ABLIM1: variants seen among roughly 807,000 people sequenced by gnomAD.
ABLIM1 encodes actin binding LIM protein 1.
Under a neutral mutation model 107.0 loss-of-function variants are expected in ABLIM1, and 40 were observed. The observed-to-expected ratio is 0.37, with a 90% CI of 0.29 to 0.49. The LOEUF (loss-of-function observed/expected upper bound fraction) is 0.49. Among genes scored for constraint, ABLIM1 ranks in the 20% least tolerant of loss-of-function variants. The pLI, the probability that ABLIM1 is intolerant of heterozygous loss-of-function variation, is 0.97. For synonymous variants in ABLIM1, 357 were observed against 357.3 expected (o/e 1.00, Z 0.01); for missense variants, 857 against 1,008.5 (o/e 0.85, Z 2.04).
At chr10:114,469,538 G>C (rs539554109) in intron 10 of ABLIM1, among the ~76,000 whole-genome samples, 7 of 152,294 alleles carry the variant, frequency 4.6e-5, no homozygotes, top group African/African-American at 1.4e-4. Flanking sequence ...CAAACCCACT[G>C]TCACACAGCA....
At chr10:114,760,341 T>C (rs894906196) in intron 1 of ABLIM1, among the ~76,000 whole-genome samples, 4 of 151,814 alleles carry the variant, frequency 2.6e-5, no homozygotes, top group African/African-American at 9.7e-5. Flanking sequence ...CCCTTTTATA[T>C]CTAACATAAA....
chr10:114,607,320 G>A (rs140116327), intron 1 of ABLIM1, among the ~76,000 whole-genome samples: 2,528 of 152,176 alleles, frequency 0.017, 38 homozygotes, highest in Non-Finnish European at 0.024. Flanking sequence ...TCTGCCTCCC[G>A]AAGTGTTGGG....
In ABLIM1 at chr10:114,596,155, T is replaced by G. The variant is rs534353594; in HGVS notation, c.379+5672A>C. Among the ~76,000 whole-genome samples, 21 of 152,280 alleles carry G rather than the reference T, an allele frequency of 1.4e-4. No homozygotes were observed. In the South Asian group the frequency reaches 4.1e-3, roughly 30 times the overall value. ...AACTTTGTCTCTTAAATCTTCTATTTTCTATTGCACCTGCTACTGCCTTAC... is the reference window on the plus strand; with the variant it reads ...AACTTTGTCTCTTAAATCTTCTATTGTCTATTGCACCTGCTACTGCCTTAC... On this transcript the variant is annotated intron_variant, in intron 2 of 22. Transcript: ENST00000533213.
intron 1 of ABLIM1, among the ~76,000 whole-genome samples, chr10:114,742,772 T>C (rs1386790780): frequency 1.3e-5 from 2 of 151,910 alleles, no homozygotes; most frequent in East Asian, 3.9e-4. Context: ...CTACCAAAAA[T>C]ACAAAAATTA....
At chr10:114,586,581 AT>A (rs1386486175) in intron 2 of ABLIM1, among the ~76,000 whole-genome samples, 35 of 152,308 alleles carry the variant, frequency 2.3e-4, no homozygotes, top group African/African-American at 8.2e-4. Flanking sequence ...ATGGGAAAGC[AT>A]TTGTTTTACA....
At chr10:114,718,117 AAG>A (rs1464814324) in intron 1 of ABLIM1, among the ~76,000 whole-genome samples, 2 of 87,830 alleles carry the variant, frequency 2.3e-5, no homozygotes, top group South Asian at 4.3e-4. Flanking sequence ...AAAAGAAAGA[AAG>A]AAAAAGAAAG....
chr10:114,601,139 C>G (rs902751993), intron 2 of ABLIM1, among the ~76,000 whole-genome samples: 6 of 151,568 alleles, frequency 4.0e-5, no homozygotes, highest in Non-Finnish European at 7.4e-5. Flanking sequence ...ATCTTCCAAG[C>G]TTTCCAGGCC....
chr10:114,555,764 T>TA (rs1477016616), intron 4 of ABLIM1, among the ~76,000 whole-genome samples: 1 of 152,128 alleles, frequency 6.6e-6, no homozygotes, highest in African/African-American at 2.4e-5. Flanking sequence ...ATAAAACATT[T>TA]AAAAAATCAA....
At position 114,644,098 on chromosome 10, in the gene ABLIM1, G is replaced by A. The variant is rs554952498; in HGVS notation, c.244+13859C>T. 2.2e-4 allele frequency among the ~76,000 whole-genome samples: 33 copies of A among 150,448 alleles called. No individual in the cohort carries two copies. The Middle Eastern group carries it at 0.01, about 47-fold the overall frequency. ...AGATAGAGACCACCCTGGCTAACAT[G>A]GTGAAACCCCGTCTCTACTAAAAAT... On this transcript the variant is annotated intron_variant, in intron 1 of 22. Transcript: ENST00000533213.
intron 1 of ABLIM1, among the ~76,000 whole-genome samples, chr10:114,615,072 GAA>G: frequency 6.7e-6 from 1 of 150,160 alleles, no homozygotes; most frequent in East Asian, 2.0e-4. Context: ...AAGAAAGAAA[GAA>G]AGAAAGAAAA....
intron 1 of ABLIM1, among the ~76,000 whole-genome samples, chr10:114,602,561 A>G (rs7914325): frequency 0.11 from 17,339 of 152,224 alleles, 1,292 homozygotes; most frequent in African/African-American, 0.21. Flanking sequence ...CAACTCATCT[A>G]ACCTGTTGCA....
intron 1 of ABLIM1, among the ~76,000 whole-genome samples, chr10:114,732,328 G>A (rs1048149000): frequency 3.3e-5 from 5 of 151,482 alleles, no homozygotes; most frequent in Non-Finnish European, 7.4e-5. Context: ...TAATGATGTC[G>A]AACATCTTTT....
intron 1 of ABLIM1, among the ~76,000 whole-genome samples, chr10:114,741,120 GTCTTAAGTACT>G (rs1174697534): frequency 6.7e-6 from 1 of 149,362 alleles, no homozygotes; most frequent in East Asian, 2.0e-4. Context: ...GGAAGATACT[GTCTTAAGTACT>G]TCGGAAACCA....
chr10:114,500,627 C>T (rs1221625328), intron 6 of ABLIM1, among the ~76,000 whole-genome samples: 2 of 133,572 alleles, frequency 1.5e-5, no homozygotes, highest in African/African-American at 5.6e-5. Flanking sequence ...TGCAGTGAGA[C>T]ATGATTGCAC....
chr10:114,486,659 G>A (rs937893349), intron 8 of ABLIM1, among the ~76,000 whole-genome samples: 3 of 152,088 alleles, frequency 2.0e-5, no homozygotes, highest in Non-Finnish European at 2.9e-5. Flanking sequence ...CTTGATGGGC[G>A]AATTCCTCTT....
chr10:114,498,558 G>A (rs1423763701), intron 6 of ABLIM1, among the ~76,000 whole-genome samples: 3 of 152,020 alleles, frequency 2.0e-5, no homozygotes, highest in African/African-American at 2.4e-5. Context: ...TTCCTTTACC[G>A]CCTCCATTTC....
rs571781663 is a variant in ABLIM1 at position 114,615,236 on chromosome 10, G to T, written c.245-13275C>A. 2.0e-5 allele frequency among the ~76,000 whole-genome samples: 3 copies of T among 152,110 alleles called. No individual in the cohort carries two copies. In the South Asian group the frequency reaches 6.2e-4, roughly 32 times the overall value. ...ACTGCCCTATGGAAGATGCGCTCTG[G>T]CCCCACCACCTCTTCCAGCCTCTTC... On this transcript the variant is annotated intron_variant, in intron 1 of 22. Transcript: ENST00000533213.
intron 4 of ABLIM1, among the ~76,000 whole-genome samples, chr10:114,559,879 C>A (rs2069414739): frequency 6.6e-6 from 1 of 152,028 alleles, no homozygotes; most frequent in South Asian, 2.1e-4. Flanking sequence ...CAAATTATGG[C>A]CAGCAATAGA....
At position 114,465,751 on chromosome 10, in the gene ABLIM1, C is replaced by T. The variant is rs767288520; in HGVS notation, c.1388G>A (p.Arg463His). The T allele has an allele frequency of 2.9e-5, 47 of 1,613,604 alleles. No individual in the cohort carries two copies. Among genetic ancestry groups the T allele is most frequent in the Admixed American group, 5.0e-5 (3 of 59,946 alleles). Residue 463 changes from arginine (R) to histidine (H), a missense_variant, in exon 12 of 23, where the codon CGC (arginine) becomes CAC (histidine). Transcript: ENST00000533213. ...GGACGTGGTTGGAGTGTAGCTGTGG[C>T]GGCTGTACACAGGGGAGTTGATGGA... Reference protein sequence around the residue: ...QGSINSPVYSRHSYTPTTSRS... With the variant: ...QGSINSPVYSHHSYTPTTSRS...
Sources: gnomAD v4.1 joint callset for allele counts (sites outside exome capture counted in the v4.1 genomes callset) on GRCh38, gnomAD v4.1.1 for gene constraint, MANE v1.5 for transcripts, NCBI Gene and HGNC (gene_info 2026-07-23, HGNC 2026-07-21) for gene names.